RNF38: variants seen among roughly 807,000 people sequenced by gnomAD.
The protein encoded by RNF38 is ring finger protein 38, also known as E3 ubiquitin-protein ligase RNF38.
In RNF38, 15 loss-of-function variants were observed where a neutral mutation model predicts 67.2. The observed-to-expected ratio is 0.22, with a 90% CI of 0.15 to 0.34. The LOEUF (loss-of-function observed/expected upper bound fraction) is 0.34, where lower values mean the gene tolerates loss of function less well. Ranked by LOEUF, RNF38 falls within the 10% of genes least tolerant of loss-of-function variation. RNF38 has a pLI of 1.00. For missense variants in RNF38, 524 were observed against 639.9 expected (o/e 0.82, Z 1.95); for synonymous variants, 220 against 218.8 (o/e 1.01, Z -0.05).
intron 2 of RNF38, among the ~76,000 whole-genome samples, chr9:36,421,036 C>T (rs1838611364): frequency 6.6e-6 from 1 of 152,180 alleles, no homozygotes; most frequent in African/African-American, 2.4e-5. Context: ...GGATGTCCAA[C>T]AAATAAATTG....
In RNF38 at chr9:36,337,731, ACT is replaced by A. The variant is rs1007978366; in HGVS notation, c.*2019_*2020del. 7 of 152,690 alleles carry A rather than the reference ACT, an allele frequency of 4.6e-5. No individual in the cohort carries two copies. The highest frequency in any genetic ancestry group is 1.4e-4 in the African/African-American group (6 of 41,578). 9.5% of individuals were successfully genotyped at this position (152,690 alleles called of 1,614,324 possible). On this transcript the variant is annotated 3_prime_UTR_variant, in exon 12 of 12. Transcript: ENST00000259605. ...TGCCAAGAATTTTGGTCTTTAACAC[ACT>A]TTTTATTCATCAGGAACAGGTGAGG...
intron 1 of RNF38, among the ~76,000 whole-genome samples, chr9:36,431,869 A>C (rs947926237): frequency 3.3e-5 from 5 of 152,074 alleles, no homozygotes; most frequent in African/African-American, 1.2e-4. Context: ...GAAGCTATCA[A>C]GGGGCCCACC....
At chr9:36,366,621 C>T (rs1160550669) in intron 4 of RNF38, among the ~76,000 whole-genome samples, 1 of 152,096 alleles carries the variant, frequency 6.6e-6, no homozygotes, top group African/African-American at 2.4e-5. Context: ...CTGTTCTTTT[C>T]CTATTCTTAA....
chr9:36,423,720 C>T (rs1279136132), intron 2 of RNF38, among the ~76,000 whole-genome samples: 2 of 25,986 alleles, frequency 7.7e-5, no homozygotes, highest in Admixed American at 2.5e-4. Flanking sequence ...GAGGCCGAGG[C>T]GGGCGGATCA....
chr9:36,455,122 C>T (rs1015445867), intron 1 of RNF38, among the ~76,000 whole-genome samples: 50 of 151,258 alleles, frequency 3.3e-4, no homozygotes, highest in Non-Finnish European at 6.5e-4. Flanking sequence ...TGCGGTGGTG[C>T]GATCTTGGCT....
intron 1 of RNF38, among the ~76,000 whole-genome samples, chr9:36,393,127 T>G (rs1446301818): frequency 1.3e-5 from 2 of 152,194 alleles, no homozygotes; most frequent in Non-Finnish European, 2.9e-5. Context: ...TCAACTATCA[T>G]GCCCAAAGCA....
At position 36,400,008 on chromosome 9, in the gene RNF38, G is replaced by T. The variant is rs148640350; in HGVS notation, c.12+89C>A. ...TAATGGTGGCAATAATTACATGTGT[G>T]TGTTTCTACTTACGGTAGAATTAGC... On this transcript the variant is annotated intron_variant, in intron 1 of 11. Coordinates refer to ENST00000259605, the MANE Select transcript of RNF38 (RefSeq NM_022781.5). 4.0e-3 allele frequency: 4,631 copies of T among 1,146,406 alleles called. 15 individuals are homozygous for T. Among genetic ancestry groups the T allele is most frequent in the Non-Finnish European group, 5.6e-3 (4,364 of 778,592 alleles). The allele number at this position is 1,146,406 out of a possible 1,614,324, so 71.0% of individuals were successfully genotyped here.
At chr9:36,416,770 T>TTTTTTG (rs869263325) in intron 2 of RNF38, among the ~76,000 whole-genome samples, 1 of 140,520 alleles carries the variant, frequency 7.1e-6, no homozygotes, top group Non-Finnish European at 1.5e-5. Flanking sequence ...TTTTTTTTTT[T>TTTTTTG]GAGACAGAGT....
chr9:36,391,974 TGTAA>T (rs375924955), intron 1 of RNF38, among the ~76,000 whole-genome samples: 84 of 152,272 alleles, frequency 5.5e-4, no homozygotes, highest in African/African-American at 1.8e-3. Context: ...CACTGCAGGA[TGTAA>T]GTATTATGGT....
intron 1 of RNF38, among the ~76,000 whole-genome samples, chr9:36,487,124 G>A (rs1258477055): frequency 6.6e-6 from 1 of 152,204 alleles, no homozygotes; most frequent in Non-Finnish European, 1.5e-5. Context: ...GTGGGAAAAC[G>A]CTTTGTGAGC....
intron 2 of RNF38, among the ~76,000 whole-genome samples, chr9:36,386,959 C>T (rs901769051): frequency 2.0e-5 from 3 of 152,120 alleles, no homozygotes; most frequent in South Asian, 2.1e-4. Flanking sequence ...CGCACCACCA[C>T]GCCTGGTTAA....
intron 2 of RNF38, among the ~76,000 whole-genome samples, chr9:36,385,776 A>G (rs1836578942): frequency 6.6e-6 from 1 of 152,230 alleles, no homozygotes; most frequent in African/African-American, 2.4e-5. Context: ...TGCAGCCAGC[A>G]CTGGTCAACA....
chr9:36,387,644 G>A (rs1416522074), intron 2 of RNF38, among the ~76,000 whole-genome samples: 1 of 152,112 alleles, frequency 6.6e-6, no homozygotes, highest in Admixed American at 6.5e-5. Flanking sequence ...TTTATGTTAA[G>A]TATACCTTAA....
chr9:36,389,507 A>G (rs1272368920), intron 2 of RNF38, among the ~76,000 whole-genome samples: 1 of 152,208 alleles, frequency 6.6e-6, no homozygotes, highest in Non-Finnish European at 1.5e-5. Flanking sequence ...AGCTTTTCTT[A>G]GCCTGTTTCC....
chr9:36,339,987 T>G (rs1223265586), intron 11 of RNF38, among the ~76,000 whole-genome samples, 173 bp from the exon 12 acceptor site: 3 of 582 alleles, frequency 5.2e-3, no homozygotes, highest in African/African-American at 5.7e-3. Context: ...AGCCCAGGAA[T>G]TTTTTTTTTG....
intron 1 of RNF38, among the ~76,000 whole-genome samples, chr9:36,458,293 T>C (rs955539805): frequency 3.3e-5 from 5 of 152,128 alleles, no homozygotes; most frequent in Non-Finnish European, 7.4e-5. Context: ...GACCAGTCAG[T>C]GCTCTGTAAG....
At chr9:36,476,118 T>G (rs1840115630) in intron 1 of RNF38, among the ~76,000 whole-genome samples, 1 of 152,066 alleles carries the variant, frequency 6.6e-6, no homozygotes, top group African/African-American at 2.4e-5. Context: ...CATACTTAAC[T>G]AAAACAGGTT....
chr9:36,366,769 T>A (rs1012468203), intron 4 of RNF38, among the ~76,000 whole-genome samples: 1 of 152,244 alleles, frequency 6.6e-6, no homozygotes, highest in African/African-American at 2.4e-5. Context: ...GTGAATTCAC[T>A]GTAGGTCTGT....
At chr9:36,435,277 T>G (rs1409490073) in intron 1 of RNF38, among the ~76,000 whole-genome samples, 3 of 152,186 alleles carry the variant, frequency 2.0e-5, no homozygotes, top group East Asian at 1.9e-4. Flanking sequence ...AAATAAACTT[T>G]AGAAAAGAGT....
Sources: gnomAD v4.1 joint callset for allele counts (sites outside exome capture counted in the v4.1 genomes callset) on GRCh38, gnomAD v4.1.1 for gene constraint, MANE v1.5 for transcripts, NCBI Gene and HGNC (gene_info 2026-07-23, HGNC 2026-07-21) for gene names.